Variants in FGD5 observed in about 807,000 individuals in gnomAD.
FGD5 encodes the protein FYVE, RhoGEF and PH domain-containing protein 5.
In FGD5, 28 loss-of-function variants were observed where a neutral mutation model predicts 133.4. The observed-to-expected ratio is 0.21, with a 90% confidence interval of 0.16 to 0.29. FGD5 has a LOEUF of 0.29. Ranked by LOEUF, FGD5 falls within the 10% of genes least tolerant of loss-of-function variation. The pLI is 1.00. For missense variants in FGD5, 1,858 were observed against 1,895.2 expected (o/e 0.98, Z 0.36); for synonymous variants, 810 against 776.5 (o/e 1.04, Z -0.72).
At chr3:14,810,722 C>G (rs1394482722), upstream of FGD5, 7 of 841,304 alleles carry the variant, frequency 8.3e-6, no homozygotes, top group South Asian at 3.8e-4. Context: ...CCGAGGCGCG[C>G]CGGGGCCGGG....
chr3:14,858,744 GAT>G (rs1188150057), intron 1 of FGD5, among the ~76,000 whole-genome samples: 2 of 152,216 alleles, frequency 1.3e-5, no homozygotes, highest in Non-Finnish European at 2.9e-5. Context: ...TGGGGAGATA[GAT>G]ATGATATGTA....
chr3:14,855,425 ATCTCCATATTGT>A (rs1216928588), intron 1 of FGD5, among the ~76,000 whole-genome samples: 1 of 152,122 alleles, frequency 6.6e-6, no homozygotes, highest in Admixed American at 6.5e-5. Context: ...TCTTTGAGGA[ATCTCCATATTGT>A]TCTCCATAGT....
At chr3:14,838,694 C>T (rs1038450327) in intron 1 of FGD5, among the ~76,000 whole-genome samples, 6 of 152,160 alleles carry the variant, frequency 3.9e-5, no homozygotes, top group African/African-American at 1.4e-4. Context: ...GGCATAATTC[C>T]TCTCCATCTA....
rs376842214 is a variant in FGD5 at position 14,917,341 on chromosome 3, C to T, written c.3489+9C>T. On this transcript the variant is annotated intron_variant, in intron 12 of 19. Coordinates refer to ENST00000285046, the MANE Select transcript of FGD5 (RefSeq NM_152536.4). This position sits in a 1 kb window ranked among gnomAD's most constrained non-coding sequence, Gnocchi z 4.1. ...CTGTGGCCAACATGAAGGTAAATAT[C>T]TGGTGCCAGGTACCCCCGGGTTGGG... 1.6e-5 allele frequency: 25 copies of T among 1,610,980 alleles called. No homozygotes were observed. Among genetic ancestry groups the T allele is most frequent in the Non-Finnish European group, 2.0e-5 (24 of 1,178,574 alleles).
chr3:14,930,536 G>A (rs971045723), intron 18 of FGD5, among the ~76,000 whole-genome samples: 1 of 152,092 alleles, frequency 6.6e-6, no homozygotes, highest in African/African-American at 2.4e-5. Context: ...AGCAGAGGTT[G>A]CAGTGAGCCG....
intron 11 of FGD5, among the ~76,000 whole-genome samples, chr3:14,915,635 G>A (rs900766009): frequency 5.4e-5 from 8 of 149,222 alleles, no homozygotes; most frequent in South Asian, 4.3e-4. Context: ...CCATATGTCC[G>A]GGGCTCACCC....
chr3:14,858,129 G>T (rs1027924869), intron 1 of FGD5, among the ~76,000 whole-genome samples: 2 of 152,078 alleles, frequency 1.3e-5, no homozygotes, highest in African/African-American at 4.8e-5. Flanking sequence ...ACTCTCTCTG[G>T]GCTCAGAAGT....
chr3:14,921,444 A>C, intron 13 of FGD5: 1 of 169,402 alleles, frequency 5.9e-6, no homozygotes, highest in South Asian at 1.5e-4. Context: ...TGCCTGTTGG[A>C]TGACTGTCTG....
chr3:14,843,350 G>T (rs555708490), intron 1 of FGD5, among the ~76,000 whole-genome samples: 2 of 152,112 alleles, frequency 1.3e-5, no homozygotes, highest in Non-Finnish European at 2.9e-5. Flanking sequence ...TTTTTAGCTC[G>T]GGAAAGTCAA....
intron 18 of FGD5, among the ~76,000 whole-genome samples, chr3:14,927,645 C>T (rs2038829722): frequency 1.3e-5 from 2 of 152,156 alleles, no homozygotes; most frequent in South Asian, 4.1e-4. Context: ...CTGTCTACAC[C>T]ACTGTGCACC....
intron 1 of FGD5, among the ~76,000 whole-genome samples, chr3:14,839,933 A>AAAACAAACAAACAAAC (rs71038439): frequency 7.3e-5 from 11 of 149,666 alleles, no homozygotes; most frequent in African/African-American, 2.5e-4. Context: ...ACTGTCTCAA[A>AAAACAAACAAACAAAC]AAACAAACAA....
intron 2 of FGD5, among the ~76,000 whole-genome samples, chr3:14,871,086 G>A (rs2037598566): frequency 6.6e-6 from 1 of 152,144 alleles, no homozygotes; most frequent in South Asian, 2.1e-4. Flanking sequence ...CTGGCTACAG[G>A]TCTCAATTTG....
chr3:14,900,082 C>T (rs2038208480), intron 7 of FGD5, among the ~76,000 whole-genome samples: 1 of 152,200 alleles, frequency 6.6e-6, no homozygotes, highest in African/African-American at 2.4e-5. Context: ...CTCGGCTGTG[C>T]TGATTGCCAT....
intron 1 of FGD5, among the ~76,000 whole-genome samples, chr3:14,852,226 A>C (rs756859890): frequency 2.6e-5 from 4 of 152,240 alleles, no homozygotes; most frequent in Admixed American, 6.5e-5. Flanking sequence ...AAGCAGTATG[A>C]TCTGTCCATA....
intron 2 of FGD5, among the ~76,000 whole-genome samples, chr3:14,867,784 C>T (rs2037525111): frequency 6.6e-6 from 1 of 152,182 alleles, no homozygotes; most frequent in African/African-American, 2.4e-5. Context: ...CTCCAAAAGG[C>T]AAAGACCTCT....
Position 14,933,347 on chromosome 3 carries a change from T to C in FGD5, c.*180T>C. 4 of 661,728 alleles carry C rather than the reference T, an allele frequency of 6.0e-6. No homozygotes were observed. The South Asian group carries it at 7.0e-5, about 12-fold the overall frequency. 41.0% of individuals were successfully genotyped at this position (661,728 alleles called of 1,614,324 possible). On this transcript the variant is annotated 3_prime_UTR_variant, in exon 20 of 20. Transcript: ENST00000285046. ...CTTGCCAACATCTTCATGAATGGAA[T>C]CCTTAAGGGATATTTATGGACCTCT...
At chr3:14,896,569 C>G (rs1200101992) in intron 4 of FGD5, among the ~76,000 whole-genome samples, 1 of 151,990 alleles carries the variant, frequency 6.6e-6, no homozygotes, top group East Asian at 1.9e-4. Context: ...CTCCTGGGTT[C>G]AAGCGATTCT....
chr3:14,846,213 T>G (rs904778843), intron 1 of FGD5, among the ~76,000 whole-genome samples: 2 of 152,070 alleles, frequency 1.3e-5, no homozygotes, highest in African/African-American at 4.8e-5. Flanking sequence ...GGGAGAGGCA[T>G]GTGTGGTTTG....
chr3:14,815,165 G>A (rs748996804), upstream of FGD5, among the ~76,000 whole-genome samples: 49 of 152,198 alleles, frequency 3.2e-4, no homozygotes, highest in Middle Eastern at 3.4e-3. Context: ...TGCATAATCT[G>A]CACCCTCCTA....
Sources: gnomAD v4.1 joint callset for allele counts (sites outside exome capture counted in the v4.1 genomes callset) on GRCh38, gnomAD v4.1.1 for gene constraint, Gnocchi (gnomAD v3.1) non-coding constraint, MANE v1.5 for transcripts, NCBI Gene and HGNC (gene_info 2026-07-23, HGNC 2026-07-21) for gene names.